The following SYNRG variants were observed in gnomAD, a reference collection of about 807,000 sequenced individuals.
SYNRG encodes AP1 gamma subunit binding protein 1.
SYNRG carries 37 observed loss-of-function variants against 130.9 expected under a neutral mutation model. That is an observed-to-expected ratio of 0.28 (90% CI 0.22 to 0.37). SYNRG has a LOEUF of 0.37. Among genes scored for constraint, SYNRG ranks in the 10% least tolerant of loss-of-function variants. SYNRG has a pLI of 1.00. For synonymous variants in SYNRG, 539 were observed against 568.1 expected (o/e 0.95, Z 0.73); for missense variants, 1,338 against 1,588.9 (o/e 0.84, Z 2.68).
chr17:37,555,342 G>A (rs2059038211), intron 13 of SYNRG, among the ~76,000 whole-genome samples: 1 of 152,134 alleles, frequency 6.6e-6, no homozygotes, highest in Non-Finnish European at 1.5e-5. Flanking sequence ...ACGTAGGCTG[G>A]TTTTGAACTC....
intron 6 of SYNRG, among the ~76,000 whole-genome samples, chr17:37,583,688 G>T (rs548572495): frequency 6.8e-4 from 104 of 152,182 alleles, no homozygotes; most frequent in African/African-American, 2.3e-3. Context: ...TCAAAACGTT[G>T]AATTTGTTTT....
chr17:37,563,851 T>C (rs1166010292), intron 11 of SYNRG, among the ~76,000 whole-genome samples: 4 of 151,428 alleles, frequency 2.6e-5, no homozygotes, highest in African/African-American at 9.7e-5. Flanking sequence ...CGCCAGCTTT[T>C]TTTTTTTTTC....
At chr17:37,539,814 A>C (rs1338146855) in intron 16 of SYNRG, among the ~76,000 whole-genome samples, 2 of 152,234 alleles carry the variant, frequency 1.3e-5, no homozygotes, top group African/African-American at 4.8e-5. Context: ...CATCAGTAAC[A>C]GTGTAAGCCT....
chr17:37,581,232 T>C (rs1277244161), intron 6 of SYNRG, among the ~76,000 whole-genome samples: 1 of 151,876 alleles, frequency 6.6e-6, no homozygotes, highest in Non-Finnish European at 1.5e-5. Flanking sequence ...TCATTAACAA[T>C]ACTATTTTAT....
rs1322649952 is a variant in SYNRG, at chr17:37,568,858, C to T, written c.1414G>A (p.Asp472Asn). 6 of 1,613,950 alleles carry T rather than the reference C, an allele frequency of 3.7e-6. No homozygotes were observed. The highest frequency in any genetic ancestry group is 1.6e-4 in the Middle Eastern group (1 of 6,084). The change falls in exon 11 of 22, where the codon GAC becomes AAC. Residue 472 changes from aspartate (D) to asparagine (N), a missense_variant. By Grantham distance (23) the Asp-to-Asn change is conservative (BLOSUM62 1). Around this residue, in one of 3 missense-constraint regions of SYNRG, gnomAD observed 1,146 missense variants for 1,342.3 expected, o/e 0.85. Transcript: ENST00000612223. ...QDASKSGSLD[D>N]SFSDFQELPA... The stretch of plus-strand genomic sequence containing the variant: ...AACTCTTGGAAATCACTGAATGAGT[C>T]ATCAAGGGATCCTGACTTAGAAGCA...
chr17:37,569,920 T>C (rs1164280942), intron 10 of SYNRG, among the ~76,000 whole-genome samples: 1 of 152,188 alleles, frequency 6.6e-6, no homozygotes, highest in Non-Finnish European at 1.5e-5. Flanking sequence ...ATGCAGTACA[T>C]GTAGATCTAT....
At chr17:37,520,681 T>A in intron 19 of SYNRG, 33 bp from the exon 20 acceptor site, 1 of 1,561,282 alleles carries the variant, frequency 6.4e-7, no homozygotes, top group Non-Finnish European at 8.8e-7. Context: ...GGGTAAGAAG[T>A]CCACAAGTCC....
At chr17:37,604,795 G>A (rs555818846) in intron 1 of SYNRG, among the ~76,000 whole-genome samples, 1 of 152,282 alleles carries the variant, frequency 6.6e-6, no homozygotes, top group Non-Finnish European at 1.5e-5. Flanking sequence ...TGAACACTTA[G>A]AGGCCACTGT....
At chr17:37,531,695 C>G (rs1018206541) in intron 19 of SYNRG, among the ~76,000 whole-genome samples, 1 of 151,936 alleles carries the variant, frequency 6.6e-6, no homozygotes, top group Non-Finnish European at 1.5e-5. Flanking sequence ...GGGAGAATTG[C>G]TAGAGCCCAG....
intron 19 of SYNRG, among the ~76,000 whole-genome samples, chr17:37,534,117 T>C (rs913420029): frequency 2.7e-5 from 4 of 149,250 alleles, no homozygotes; most frequent in African/African-American, 9.9e-5. Flanking sequence ...TTTTTTTTTG[T>C]ATTTTTAGTA....
intron 19 of SYNRG, among the ~76,000 whole-genome samples, chr17:37,535,753 T>C (rs1239940262): frequency 6.6e-6 from 1 of 152,192 alleles, no homozygotes; most frequent in East Asian, 1.9e-4. Flanking sequence ...GAGTGAATGT[T>C]TTCCTGTACT....
chr17:37,541,845 CCT>C, intron 15 of SYNRG, 125 bp downstream of exon 15: 1 of 912,460 alleles, frequency 1.1e-6, no homozygotes. Flanking sequence ...TGTAATTGAC[CCT>C]GATTTCAAAG....
intron 15 of SYNRG, 121 bp downstream of exon 15, chr17:37,541,851 T>C: frequency 1.0e-6 from 1 of 981,222 alleles, no homozygotes; most frequent in Non-Finnish European, 1.5e-6. Context: ...TGACCCTGAT[T>C]TCAAAGATTA....
intron 1 of SYNRG, chr17:37,600,639 C>T: frequency 1.6e-6 from 1 of 640,484 alleles, no homozygotes; most frequent in Non-Finnish European, 2.8e-6. Flanking sequence ...TTAGTCCTGG[C>T]TCTGTCACTT....
intron 8 of SYNRG, among the ~76,000 whole-genome samples, chr17:37,574,413 A>G (rs2060652410): frequency 6.6e-6 from 1 of 152,222 alleles, no homozygotes; most frequent in Non-Finnish European, 1.5e-5. Context: ...ATGGGATCAC[A>G]TCAAGTTAAA....
At chr17:37,588,215 G>A (rs1243047135) in intron 3 of SYNRG, among the ~76,000 whole-genome samples, 1 of 149,800 alleles carries the variant, frequency 6.7e-6, no homozygotes, top group Non-Finnish European at 1.5e-5. Context: ...AAAAACCACT[G>A]AACCATGCTG....
intron 2 of SYNRG, among the ~76,000 whole-genome samples, chr17:37,597,376 CT>C (rs1257657608): frequency 6.6e-6 from 1 of 152,180 alleles, no homozygotes; most frequent in Non-Finnish European, 1.5e-5. Context: ...AAAATGTTTA[CT>C]TTTTAAAGTT....
intron 3 of SYNRG, among the ~76,000 whole-genome samples, chr17:37,592,401 T>C (rs144748046): frequency 2.2e-4 from 33 of 152,288 alleles, no homozygotes; most frequent in African/African-American, 7.5e-4. Context: ...CTTAAAAAAC[T>C]GAAAATGCAA....
intron 11 of SYNRG, among the ~76,000 whole-genome samples, chr17:37,566,248 A>G (rs2059983564): frequency 6.7e-6 from 1 of 150,154 alleles, no homozygotes; most frequent in Admixed American, 6.6e-5. Context: ...GTCTGTGTAG[A>G]AAGAAGTAGA....
Sources: gnomAD v4.1 joint callset for allele counts (sites outside exome capture counted in the v4.1 genomes callset) on GRCh38, gnomAD v4.1.1 for gene constraint, gnomAD v4.1.1 regional missense constraint, MANE v1.5 for transcripts, NCBI Gene and HGNC (gene_info 2026-07-23, HGNC 2026-07-21) for gene names.